MGMT: variants seen among roughly 807,000 people sequenced by gnomAD.
MGMT encodes the protein methylated-DNA--protein-cysteine methyltransferase.
In MGMT, 14 loss-of-function variants were observed where a neutral mutation model predicts 15.9. The observed-to-expected ratio is 0.88, with a 90% CI of 0.58 to 1.37. The LOEUF (loss-of-function observed/expected upper bound fraction) is 1.37, where lower values mean the gene tolerates loss of function less well. Ranked by LOEUF, MGMT falls within the 40% of genes most tolerant of loss-of-function variation. The pLI, the probability that MGMT is intolerant of heterozygous loss-of-function variation, is 0.00. For missense variants in MGMT, 282 were observed against 268.1 expected (o/e 1.05, Z -0.36); for synonymous variants, 130 against 118.2 (o/e 1.10, Z -0.65).
At chr10:129,525,200 G>T (rs1845856126) in intron 1 of MGMT, among the ~76,000 whole-genome samples, 1 of 152,160 alleles carries the variant, frequency 6.6e-6, no homozygotes. Context: ...TCAAAGCAGT[G>T]CATGAGCTTC....
At chr10:129,692,858 T>C (rs1339639673) in intron 2 of MGMT, among the ~76,000 whole-genome samples, 1 of 152,178 alleles carries the variant, frequency 6.6e-6, no homozygotes, top group East Asian at 1.9e-4. Context: ...TGGAGGGAGC[T>C]GCCACCCTCA....
In MGMT at chr10:129,604,737, A is replaced by AC. The variant is rs1554917410; in HGVS notation, c.125+68365dup. ...CACCTGCACCCCACCTCGCCGCCCC[A>AC]CCCCCTCCCCCCGGCTTTCAGGCTG... On this transcript the variant is annotated intron_variant, in intron 2 of 4. Transcript: ENST00000651593. 6.1e-3 allele frequency among the ~76,000 whole-genome samples: 236 copies of AC among 38,678 alleles called. 1 individual carries two copies. The highest frequency in any genetic ancestry group is 0.016 in the African/African-American group (168 of 10,464). 25.4% of individuals were successfully genotyped at this position (38,678 alleles called of 152,430 possible).
In MGMT at chr10:129,671,553, A is replaced by G. The variant is rs1031324900; in HGVS notation, c.126-36342A>G. On this transcript the variant is annotated intron_variant, in intron 2 of 4. Coordinates refer to ENST00000651593, the MANE Select transcript of MGMT (RefSeq NM_002412.5). ...GGAGCAACTGAGACTTCCGGCCCAC[A>G]AAACACAATATATTTACTATCTGGC... 2.0e-5 allele frequency among the ~76,000 whole-genome samples: 3 copies of G among 152,186 alleles called. 1 individual carries two copies. Among genetic ancestry groups the G allele is most frequent in the Non-Finnish European group, 4.4e-5 (3 of 68,026 alleles).
intron 2 of MGMT, among the ~76,000 whole-genome samples, chr10:129,552,371 G>A (rs1846167482): frequency 6.6e-6 from 1 of 152,238 alleles, no homozygotes; most frequent in Admixed American, 6.5e-5. Flanking sequence ...GGATGACTCT[G>A]TGCAGACCTG....
chr10:129,496,318 G>A (rs1845520908), intron 1 of MGMT, among the ~76,000 whole-genome samples: 3 of 152,062 alleles, frequency 2.0e-5, no homozygotes, highest in African/African-American at 4.8e-5. Context: ...TATGCTATTT[G>A]CCTTTTCCAT....
chr10:129,554,259 T>C (rs1564850591), intron 2 of MGMT, among the ~76,000 whole-genome samples: 1 of 152,218 alleles, frequency 6.6e-6, no homozygotes, highest in Non-Finnish European at 1.5e-5. Context: ...TTTTAGCAAA[T>C]ACAGAAAGTA....
At chr10:129,682,683 T>C (rs889629209) in intron 2 of MGMT, among the ~76,000 whole-genome samples, 1 of 152,160 alleles carries the variant, frequency 6.6e-6, no homozygotes, top group African/African-American at 2.4e-5. Context: ...AGATAGGTAG[T>C]TTAGTTAGAT....
intron 2 of MGMT, among the ~76,000 whole-genome samples, chr10:129,629,237 G>C (rs1452338922): frequency 6.6e-6 from 1 of 152,212 alleles, no homozygotes; most frequent in Non-Finnish European, 1.5e-5. Flanking sequence ...GCTTCTATAT[G>C]AAACATGCCT....
At chr10:129,487,984 CACACACACACACATAGGTAT>C (rs1330003124) in intron 1 of MGMT, among the ~76,000 whole-genome samples, 2 of 129,196 alleles carry the variant, frequency 1.5e-5, no homozygotes, top group Non-Finnish European at 3.2e-5. Context: ...CAGGTATACA[CACACACACACACATAGGTAT>C]ACACACACAC....
At chr10:129,617,443 C>T (rs1589896054) in intron 2 of MGMT, among the ~76,000 whole-genome samples, 1 of 151,940 alleles carries the variant, frequency 6.6e-6, no homozygotes, top group East Asian at 1.9e-4. Flanking sequence ...TGGGTGTGTG[C>T]CCAATAATAG....
intron 1 of MGMT, among the ~76,000 whole-genome samples, chr10:129,519,375 C>A (rs183158204): frequency 2.6e-5 from 4 of 152,196 alleles, no homozygotes; most frequent in Non-Finnish European, 5.9e-5. Flanking sequence ...TTCAAGTTAT[C>A]AAGCCACTGA....
intron 1 of MGMT, among the ~76,000 whole-genome samples, chr10:129,516,865 A>G (rs1195146049): frequency 6.6e-6 from 1 of 152,232 alleles, no homozygotes; most frequent in Non-Finnish European, 1.5e-5. Context: ...ATGTGCACTC[A>G]TAGCAGAAAT....
At chr10:129,675,312 G>T (rs1482892423) in intron 2 of MGMT, among the ~76,000 whole-genome samples, 1 of 152,182 alleles carries the variant, frequency 6.6e-6, no homozygotes, top group Non-Finnish European at 1.5e-5. Flanking sequence ...ATTTGGAGAG[G>T]TTAGGCAGAT....
chr10:129,732,771 T>C (rs192732107), intron 3 of MGMT, among the ~76,000 whole-genome samples: 2,272 of 146,590 alleles, frequency 0.015, 59 homozygotes, highest in African/African-American at 0.055. Context: ...TGTGTTCTCA[T>C]TGTTCAGTTC....
In MGMT at chr10:129,770,808, T is replaced by C. The variant is rs564090755; in HGVS notation, c.*3811T>C. ...CTGGGATGTCCTCGGGCCTCCCCTG[T>C]TTGTCTGCATGTCTTCTTGTTGCCA... On this transcript the variant is annotated 3_prime_UTR_variant, in exon 5 of 5. Transcript: ENST00000651593. 3.3e-5 allele frequency among the ~76,000 whole-genome samples: 5 copies of C among 152,270 alleles called. No homozygotes were observed. The highest frequency in any genetic ancestry group is 3.3e-4 in the Admixed American group (5 of 15,302).
At chr10:129,749,372 G>A (rs1848729037) in intron 3 of MGMT, among the ~76,000 whole-genome samples, 1 of 152,122 alleles carries the variant, frequency 6.6e-6, no homozygotes, top group Non-Finnish European at 1.5e-5. Flanking sequence ...ATGTCATCTA[G>A]TTGGGATCAT....
chr10:129,629,456 A>G (rs1564742138), intron 2 of MGMT, among the ~76,000 whole-genome samples: 1 of 152,080 alleles, frequency 6.6e-6, no homozygotes. Context: ...GGCTACTTTT[A>G]AACCTTAGAC....
At chr10:129,746,256 C>A (rs1320285933) in intron 3 of MGMT, among the ~76,000 whole-genome samples, 112 of 130,754 alleles carry the variant, frequency 8.6e-4, no homozygotes, top group Middle Eastern at 3.6e-3. Flanking sequence ...AAAAAAAAAA[C>A]AAACAAAAAA....
At chr10:129,697,751 G>T (rs1848048797) in intron 2 of MGMT, among the ~76,000 whole-genome samples, 1 of 152,120 alleles carries the variant, frequency 6.6e-6, no homozygotes, top group Non-Finnish European at 1.5e-5. Context: ...GGAACTTCTG[G>T]AGTCAGCCAC....
Sources: gnomAD v4.1 joint callset for allele counts (sites outside exome capture counted in the v4.1 genomes callset) on GRCh38, gnomAD v4.1.1 for gene constraint, MANE v1.5 for transcripts, NCBI Gene and HGNC (gene_info 2026-07-23, HGNC 2026-07-21) for gene names.